STXBP5L: variants seen among roughly 807,000 people sequenced by gnomAD.
STXBP5L encodes the protein syntaxin-binding protein 5-like.
A neutral mutation model predicts 144.5 loss-of-function variants in STXBP5L; 65 were observed. That is an observed-to-expected ratio of 0.45 (90% CI 0.37 to 0.55). The LOEUF (loss-of-function observed/expected upper bound fraction) is 0.55, where lower values mean the gene tolerates loss of function less well. Ranked by LOEUF, STXBP5L falls within the 20% of genes least tolerant of loss-of-function variation. STXBP5L has a pLI of 0.00. For synonymous variants in STXBP5L, 505 were observed against 469.6 expected (o/e 1.08, Z -0.97); for missense variants, 1,298 against 1,405.5 (o/e 0.92, Z 1.22).
Position 121,418,577 on chromosome 3 carries a change from A to G in STXBP5L, c.3447+20A>G. On this transcript the variant is annotated intron_variant, in intron 26 of 26. Coordinates refer to ENST00000471454, the MANE Select transcript of STXBP5L (RefSeq NM_001308330.2). ...CATGAGGTAAACTGCCTAAGTAAAT[A>G]CAGACATCTTCATACAGGAGTAACT... The G allele has an allele frequency of 6.2e-7, 1 of 1,610,790 alleles. No individual in the cohort carries two copies.
At chr3:121,260,819 T>C (rs1458678863) in intron 18 of STXBP5L, among the ~76,000 whole-genome samples, 1 of 152,136 alleles carries the variant, frequency 6.6e-6, no homozygotes, top group Non-Finnish European at 1.5e-5. Flanking sequence ...GTCTTATCTT[T>C]GAGTACCTGG....
At chr3:121,052,568 A>T (rs1948101638) in intron 5 of STXBP5L, among the ~76,000 whole-genome samples, 1 of 152,176 alleles carries the variant, frequency 6.6e-6, no homozygotes, top group Non-Finnish European at 1.5e-5. Flanking sequence ...AAAACTCTCA[A>T]CAAATTAGGT....
chr3:120,978,697 T>C (rs1398039715), intron 3 of STXBP5L, among the ~76,000 whole-genome samples: 1 of 152,194 alleles, frequency 6.6e-6, no homozygotes, highest in African/African-American at 2.4e-5. Flanking sequence ...TGGTCTTTGA[T>C]GATGGTGATG....
rs151332565 is a variant in STXBP5L, at chr3:121,047,542, T to G, written c.470+2007T>G. On this transcript the variant is annotated intron_variant, in intron 5 of 26. Transcript: ENST00000471454. ...TTTATGAATCCGGGTACTCCTGTGT[T>G]GGGTGCATATATATTTAGGATAGTT... 3.0e-3 allele frequency among the ~76,000 whole-genome samples: 461 copies of G among 152,340 alleles called. 3 individuals are homozygous for G. The highest frequency in any genetic ancestry group is 0.01 in the African/African-American group (430 of 41,580).
At chr3:121,311,947 A>G (rs1227868493) in intron 19 of STXBP5L, among the ~76,000 whole-genome samples, 2 of 152,228 alleles carry the variant, frequency 1.3e-5, no homozygotes, top group Non-Finnish European at 2.9e-5. Flanking sequence ...AAACTATACT[A>G]CAAGGCTAGA....
At chr3:121,102,609 C>T (rs1372517083) in intron 5 of STXBP5L, among the ~76,000 whole-genome samples, 1 of 152,046 alleles carries the variant, frequency 6.6e-6, no homozygotes, top group African/African-American at 2.4e-5. Context: ...TCCTAGAAAT[C>T]TTGTGAAATA....
At chr3:121,319,323 A>T (rs1165949284) in intron 20 of STXBP5L, among the ~76,000 whole-genome samples, 8 of 152,156 alleles carry the variant, frequency 5.3e-5, no homozygotes, top group Admixed American at 5.2e-4. Flanking sequence ...TTTGAACCTT[A>T]TACAAATTTA....
At chr3:121,176,430 T>C (rs559832644) in intron 9 of STXBP5L, among the ~76,000 whole-genome samples, 7 of 114,002 alleles carry the variant, frequency 6.1e-5, no homozygotes, top group Non-Finnish European at 1.3e-4. Context: ...AGATAATCAA[T>C]GAAACCAAAA....
At chr3:121,072,504 G>T (rs989131482) in intron 5 of STXBP5L, among the ~76,000 whole-genome samples, 2 of 152,164 alleles carry the variant, frequency 1.3e-5, no homozygotes, top group Non-Finnish European at 2.9e-5. Context: ...TGAACCGGGG[G>T]GCTATTGCTT....
rs531679119 is a variant in STXBP5L, at chr3:121,022,031, CAAGAA to C, written c.288-19663_288-19659del. Among the ~76,000 whole-genome samples, 579 of 151,950 alleles carry C rather than the reference CAAGAA, an allele frequency of 3.8e-3. 8 individuals are homozygous for C. Among genetic ancestry groups the C allele is most frequent in the Middle Eastern group, 0.02 (6 of 294 alleles). ...TTGATAGGCCATTAGCAAGATTAAC[CAAGAA>C]AAGAAGAGAGAAGATCCAAATAAAC... On this transcript the variant is annotated intron_variant, in intron 3 of 26. Coordinates refer to ENST00000471454, the MANE Select transcript of STXBP5L (RefSeq NM_001308330.2).
intron 7 of STXBP5L, among the ~76,000 whole-genome samples, chr3:121,137,214 C>T (rs986450939): frequency 2.0e-5 from 3 of 151,874 alleles, no homozygotes; most frequent in Non-Finnish European, 2.9e-5. Flanking sequence ...TGCACACGTA[C>T]CCCTTAAACC....
At chr3:121,305,573 A>G (rs867282375) in intron 19 of STXBP5L, among the ~76,000 whole-genome samples, 1 of 152,198 alleles carries the variant, frequency 6.6e-6, no homozygotes, top group Admixed American at 6.5e-5. Context: ...ATATCAATAC[A>G]TGTGAAAACA....
chr3:121,310,700 G>C (rs1007994615), intron 19 of STXBP5L, among the ~76,000 whole-genome samples: 6 of 151,858 alleles, frequency 4.0e-5, no homozygotes, highest in African/African-American at 1.5e-4. Flanking sequence ...CTGGAGGTCA[G>C]GAGTTTGAGA....
chr3:121,211,176 T>A (rs903164910), intron 10 of STXBP5L, among the ~76,000 whole-genome samples: 3 of 152,242 alleles, frequency 2.0e-5, no homozygotes, highest in African/African-American at 7.2e-5. Flanking sequence ...GCTAAGTATT[T>A]TATTCTCTTT....
intron 20 of STXBP5L, among the ~76,000 whole-genome samples, chr3:121,333,827 G>C (rs1478147707): frequency 6.6e-6 from 1 of 152,102 alleles, no homozygotes; most frequent in Non-Finnish European, 1.5e-5. Context: ...GAACCAGGAG[G>C]AAATTGATTC....
rs372471784 is a variant in STXBP5L at position 120,982,433 on chromosome 3, G to A, written c.287+27396G>A. The stretch of plus-strand genomic sequence containing the variant: ...ATGTACTGAGCTCTCTGAAGGAGGG[G>A]AGTTGGCTGCACCAGCTTCACATCC... On this transcript the variant is annotated intron_variant, in intron 3 of 26. Coordinates refer to ENST00000471454, the MANE Select transcript of STXBP5L (RefSeq NM_001308330.2). Among the ~76,000 whole-genome samples the A allele has an allele frequency of 1.3e-5, 2 of 152,288 alleles. 1 individual carries two copies. The highest frequency in any genetic ancestry group is 4.1e-4 in the South Asian group (2 of 4,824).
Position 121,140,580 on chromosome 3 carries a change from T to C in STXBP5L, c.670-11897T>C, listed in dbSNP as rs369599944. 2.3e-4 allele frequency among the ~76,000 whole-genome samples: 35 copies of C among 152,286 alleles called. No individual in the cohort carries two copies. In the East Asian group the frequency reaches 6.7e-3, roughly 29 times the overall value. On this transcript the variant is annotated intron_variant, in intron 7 of 26. Coordinates refer to ENST00000471454, the MANE Select transcript of STXBP5L (RefSeq NM_001308330.2). The stretch of plus-strand genomic sequence containing the variant: ...CATATAAAATGATGAAATCTTCTCA[T>C]TCGCGACAACATGGATGAACCTGGA...
intron 21 of STXBP5L, among the ~76,000 whole-genome samples, chr3:121,379,114 C>T (rs556557703): frequency 9.9e-5 from 15 of 151,240 alleles, no homozygotes; most frequent in African/African-American, 3.7e-4. Flanking sequence ...GGTAACTACC[C>T]CCTCCTCTGT....
At chr3:120,978,151 G>T (rs946035199) in intron 3 of STXBP5L, among the ~76,000 whole-genome samples, 2 of 152,134 alleles carry the variant, frequency 1.3e-5, no homozygotes, top group East Asian at 1.9e-4. Flanking sequence ...TTCCAACTTG[G>T]TTCCATTCTC....
Sources: gnomAD v4.1 joint callset for allele counts (sites outside exome capture counted in the v4.1 genomes callset) on GRCh38, gnomAD v4.1.1 for gene constraint, MANE v1.5 for transcripts, NCBI Gene and HGNC (gene_info 2026-07-23, HGNC 2026-07-21) for gene names.